MTRF1: variants seen among roughly 807,000 people sequenced by gnomAD.
MTRF1 encodes the protein peptide chain release factor 1, mitochondrial.
In MTRF1, 51 loss-of-function variants were observed where a neutral mutation model predicts 62.9. That is an observed-to-expected ratio of 0.81 (90% CI 0.65 to 1.02). The LOEUF (loss-of-function observed/expected upper bound fraction) is 1.02, where lower values mean the gene tolerates loss of function less well. MTRF1 is among the 50% of genes least tolerant of loss of function. The pLI is 0.00. For missense variants in MTRF1, 446 were observed against 530.0 expected, an observed-to-expected ratio of 0.84 and a Z score of 1.56; for synonymous variants, 158 against 181.9, an observed-to-expected ratio of 0.87 and a Z score of 1.06.
At chr13:41,222,272 A>G (rs978975413) in intron 9 of MTRF1, among the ~76,000 whole-genome samples, 3 of 152,150 alleles carry the variant, frequency 2.0e-5, no homozygotes, top group African/African-American at 7.2e-5. Context: ...CATCATTAAT[A>G]TATTTATATA....
At position 41,233,935 on chromosome 13, in the gene MTRF1, C is replaced by G. The variant is rs762333603; in HGVS notation, c.943G>C (p.Val315Leu). 1.2e-6 allele frequency: 2 copies of G among 1,614,146 alleles called. No homozygotes were observed. The highest frequency in any genetic ancestry group is 3.3e-5 in the Admixed American group (2 of 60,010). The change falls in exon 7 of 10, where the codon GTT (valine) becomes CTT (leucine). Residue 315 changes from valine (V) to leucine (L), a missense_variant. Transcript: ENST00000379480. ...FRAKGAGGQH[V>L]NKTDSAVRLV... ...CTGACGGCACTATCAGTTTTATTAACATGCTGCCCTCCTGCTCCTTTGGCT... is the reference window on the plus strand; with the variant it reads ...CTGACGGCACTATCAGTTTTATTAAGATGCTGCCCTCCTGCTCCTTTGGCT...
At chr13:41,287,206 G>A in the MTRF1 span, among the ~76,000 whole-genome samples, 1 of 152,330 alleles carries the variant, frequency 6.6e-6, no homozygotes, top group East Asian at 1.9e-4. Flanking sequence ...CAGTGTGCAA[G>A]CATGGCTCCA....
chr13:41,287,829 C>A, the MTRF1 span: 2 of 286,614 alleles, frequency 7.0e-6, no homozygotes, highest in South Asian at 7.3e-5. Context: ...CGTTTTGAAC[C>A]CTCGCTATGT....
chr13:41,307,418 G>A, the MTRF1 span, among the ~76,000 whole-genome samples: 4 of 152,146 alleles, frequency 2.6e-5, no homozygotes, highest in Admixed American at 2.6e-4. Context: ...AAGGTCAAGA[G>A]TTCAAAACCA....
rs987915939 is a variant in MTRF1 at position 41,260,916 on chromosome 13, C to G, written c.-8-1G>C. 6.3e-7 allele frequency: 1 copy of G among 1,578,916 alleles called. No individual in the cohort carries two copies. Among genetic ancestry groups the G allele is most frequent in the Non-Finnish European group, 8.6e-7 (1 of 1,163,510 alleles). On this transcript the variant is annotated splice_acceptor_variant, in intron 1 of 9. Transcript: ENST00000379480. LOFTEE classifies it low-confidence loss of function (5UTR_SPLICE). ...CACAGGTGACGATTCATCTCAGCAT[C>G]TGAAATACAATAAACACAGTCTTTA...
intron 7 of MTRF1, among the ~76,000 whole-genome samples, chr13:41,230,413 C>T (rs770300234): frequency 2.1e-4 from 32 of 151,690 alleles, no homozygotes; most frequent in African/African-American, 2.4e-4. Context: ...TACATGCATG[C>T]GCCACCAGGC....
At chr13:41,275,184 G>A in the MTRF1 span, among the ~76,000 whole-genome samples, 1 of 151,734 alleles carries the variant, frequency 6.6e-6, no homozygotes, top group South Asian at 2.1e-4. Flanking sequence ...TGTTAGTTCT[G>A]TTTAGAAATA....
chr13:41,309,341 AGTGTGTGTGT>A, the MTRF1 span, among the ~76,000 whole-genome samples: 57 of 135,660 alleles, frequency 4.2e-4, no homozygotes, highest in South Asian at 7.6e-4. Context: ...ATGCCCAGCT[AGTGTGTGTGT>A]GTGTGTGTGT....
At chr13:41,258,870 A>G (rs61602842) in intron 2 of MTRF1, among the ~76,000 whole-genome samples, 1 of 152,164 alleles carries the variant, frequency 6.6e-6, no homozygotes, top group Non-Finnish European at 1.5e-5. Flanking sequence ...TGCAAATCAT[A>G]TATCTGATCA....
the MTRF1 span, among the ~76,000 whole-genome samples, chr13:41,298,396 T>TTTTTTTTTC: frequency 6.0e-5 from 9 of 150,486 alleles, no homozygotes; most frequent in South Asian, 4.2e-4. Flanking sequence ...ATTACGAAGT[T>TTTTTTTTTC]ACACTCTCAT....
chr13:41,231,087 T>C (rs1284980701), intron 7 of MTRF1, among the ~76,000 whole-genome samples: 1 of 152,046 alleles, frequency 6.6e-6, no homozygotes, highest in Non-Finnish European at 1.5e-5. Context: ...ACAAACTCCA[T>C]CTGAAATAAA....
chr13:41,223,329 C>T lies in MTRF1; in HGVS notation c.1151G>A (p.Arg384Gln), dbSNP rs766414914. 26 of 1,613,854 alleles carry T rather than the reference C, an allele frequency of 1.6e-5. 1 individual carries two copies. The Middle Eastern group carries it at 1.3e-3, about 82-fold the overall frequency. Residue 384 changes from arginine (R) to glutamine (Q), a missense_variant, in exon 9 of 10, where the codon CGA becomes CAA. Physicochemically the swap from Arg to Gln is conservative, Grantham distance 43 (BLOSUM62 1). Coordinates refer to ENST00000379480, the MANE Select transcript of MTRF1 (RefSeq NM_004294.4). ...LQVGTRAQSE[R>Q]IRTYNFTQDR... ...CTGGGTGAAATTATATGTCCGAATT[C>T]GCTCTGACTGGGCTCTTGTTCCCAC...
the MTRF1 span, among the ~76,000 whole-genome samples, chr13:41,272,346 ATTGTTTG>A: frequency 3.9e-5 from 6 of 152,200 alleles, no homozygotes; most frequent in Non-Finnish European, 8.8e-5. Flanking sequence ...ATGAAAGAAC[ATTGTTTG>A]TTGTTTGTTT....
At chr13:41,266,312 T>G (rs2040838217), upstream of MTRF1, among the ~76,000 whole-genome samples, 1 of 152,172 alleles carries the variant, frequency 6.6e-6, no homozygotes, top group Admixed American at 6.5e-5. Context: ...GCAGAACAAC[T>G]TAGACATTTA....
intron 9 of MTRF1, among the ~76,000 whole-genome samples, chr13:41,222,426 CT>C (rs2033586048): frequency 6.6e-6 from 1 of 152,150 alleles, no homozygotes; most frequent in Non-Finnish European, 1.5e-5. Context: ...AAGATGCCCC[CT>C]GGTGTACACA....
chr13:41,263,324 C>G, intron 1 of MTRF1, 161 bp downstream of exon 1: 1 of 1,288,924 alleles, frequency 7.8e-7, no homozygotes, highest in South Asian at 1.2e-5. Context: ...CAGTATTACT[C>G]TGATGCTTTG....
chr13:41,291,593 T>C, the MTRF1 span, among the ~76,000 whole-genome samples: 480 of 152,154 alleles, frequency 3.2e-3, 1 homozygote, highest in African/African-American at 0.01. Context: ...TTGAACTCAT[T>C]CCTTTCTGCT....
chr13:41,298,849 G>A, the MTRF1 span, among the ~76,000 whole-genome samples: 2 of 152,246 alleles, frequency 1.3e-5, no homozygotes, highest in Middle Eastern at 3.4e-3. Flanking sequence ...GGAAGAGGAG[G>A]AAAGGGAGGT....
At chr13:41,308,968 CAT>C in the MTRF1 span, among the ~76,000 whole-genome samples, 2 of 152,096 alleles carry the variant, frequency 1.3e-5, no homozygotes, top group Non-Finnish European at 2.9e-5. Context: ...TAAGTGAAAA[CAT>C]GTGGTATTTG....
Sources: allele counts gnomAD v4.1 joint callset (sites outside exome capture counted in the v4.1 genomes callset), GRCh38; gene constraint gnomAD v4.1.1; transcripts MANE v1.5; gene names NCBI Gene and HGNC (gene_info 2026-07-23, HGNC 2026-07-21).